DAPP1: variants seen among roughly 807,000 people sequenced by gnomAD.
DAPP1 encodes dual adapter for phosphotyrosine and 3-phosphotyrosine and 3-phosphoinositide.
Under a neutral mutation model 41.5 loss-of-function variants are expected in DAPP1, and 20 were observed. The observed-to-expected ratio is 0.48, with a 90% confidence interval of 0.34 to 0.70. DAPP1 has a LOEUF of 0.70. DAPP1 is among the 30% of genes least tolerant of loss of function. The pLI, the probability that DAPP1 is intolerant of heterozygous loss-of-function variation, is 0.01. For missense variants in DAPP1, 233 were observed against 333.4 expected (o/e 0.70, Z 2.35); for synonymous variants, 113 against 116.2 (o/e 0.97, Z 0.18).
chr4:99,870,348 C>T (rs945268977), downstream of DAPP1, among the ~76,000 whole-genome samples: 3 of 128,362 alleles, frequency 2.3e-5, no homozygotes, highest in African/African-American at 6.2e-5. Flanking sequence ...TATATATATG[C>T]GTGTATATAT....
chr4:99,866,701 C>G (rs1260949348), intron 8 of DAPP1: 9 of 651,904 alleles, frequency 1.4e-5, no homozygotes, highest in Non-Finnish European at 2.5e-5. Flanking sequence ...AAGAACTTGT[C>G]CTTAAAGCTG....
chr4:99,868,308 G>T lies in DAPP1; in HGVS notation c.*123G>T. On this transcript the variant is annotated 3_prime_UTR_variant, in exon 9 of 9. Transcript: ENST00000512369. The stretch of plus-strand genomic sequence containing the variant: ...ATTTTCTTTCAAAAACAAATCAGAA[G>T]CAGATGCTGATTGGGACCCATATAC... 4 of 885,754 alleles carry T rather than the reference G, an allele frequency of 4.5e-6. No homozygotes were observed. The highest frequency in any genetic ancestry group is 5.4e-6 in the Non-Finnish European group (3 of 557,406). The allele number at this position is 885,754 out of a possible 1,614,324, so 54.9% of individuals were successfully genotyped here.
chr4:99,839,919 A>G (rs1477450379), intron 2 of DAPP1, among the ~76,000 whole-genome samples: 7 of 152,206 alleles, frequency 4.6e-5, no homozygotes, highest in African/African-American at 1.7e-4. Flanking sequence ...AAAATTAGCC[A>G]GGCATCGTGG....
intron 7 of DAPP1, chr4:99,865,485 T>C (rs1724391845): frequency 6.6e-6 from 1 of 152,188 alleles, no homozygotes; most frequent in Non-Finnish European, 1.5e-5. Flanking sequence ...TTATTGTCTC[T>C]TTTTATTGTC....
chr4:99,856,465 C>T (rs1049277830), intron 4 of DAPP1, among the ~76,000 whole-genome samples: 2 of 151,998 alleles, frequency 1.3e-5, no homozygotes, highest in African/African-American at 2.4e-5. Flanking sequence ...GTCAGAATTA[C>T]GGGATGAAGT....
At position 99,857,524 on chromosome 4, in the gene DAPP1, C is replaced by T. The variant is rs185630977; in HGVS notation, c.490-4054C>T. Among the ~76,000 whole-genome samples, 180 of 152,180 alleles carry T rather than the reference C, an allele frequency of 1.2e-3. 1 individual carries two copies. The highest frequency in any genetic ancestry group is 2.1e-3 in the Non-Finnish European group (141 of 68,002). ...AATTCTGTTTCCTTAGCTTTGGCAACATCTTTCTGTCTTTATTCCGTAATC... is the reference window on the plus strand; with the variant it reads ...AATTCTGTTTCCTTAGCTTTGGCAATATCTTTCTGTCTTTATTCCGTAATC... On this transcript the variant is annotated intron_variant, in intron 4 of 8. Transcript: ENST00000512369.
intron 1 of DAPP1, among the ~76,000 whole-genome samples, chr4:99,822,971 C>G (rs1430888417): frequency 1.3e-5 from 2 of 152,138 alleles, no homozygotes; most frequent in African/African-American, 4.8e-5. Context: ...CCCACTAGCA[C>G]CTGCCCCCAT....
chr4:99,824,094 T>C (rs150927304), intron 1 of DAPP1, among the ~76,000 whole-genome samples: 6 of 152,354 alleles, frequency 3.9e-5, no homozygotes, highest in African/African-American at 1.4e-4. Flanking sequence ...ATTGCATGTT[T>C]GGGTTGATTC....
chr4:99,829,415 G>T (rs1723046113), intron 1 of DAPP1, among the ~76,000 whole-genome samples: 1 of 151,320 alleles, frequency 6.6e-6, no homozygotes, highest in Non-Finnish European at 1.5e-5. Context: ...GGGAGGTGGA[G>T]GTTGCAGTGA....
chr4:99,823,422 C>T (rs1722838637), intron 1 of DAPP1, among the ~76,000 whole-genome samples: 1 of 152,108 alleles, frequency 6.6e-6, no homozygotes, highest in Non-Finnish European at 1.5e-5. Flanking sequence ...CCTAAAATAA[C>T]ATTGTTCATC....
chr4:99,858,932 CTCTG>C (rs1371588085), intron 4 of DAPP1, among the ~76,000 whole-genome samples: 3 of 151,758 alleles, frequency 2.0e-5, no homozygotes, highest in African/African-American at 7.3e-5. Flanking sequence ...CACTCCGTCA[CTCTG>C]TCTCCCAAGC....
intron 3 of DAPP1, among the ~76,000 whole-genome samples, chr4:99,850,120 A>G (rs1210076678): frequency 1.3e-5 from 2 of 152,218 alleles, no homozygotes; most frequent in Non-Finnish European, 2.9e-5. Flanking sequence ...AATAGCAATA[A>G]AAAATTAGGC....
At chr4:99,819,116 G>A (rs1722685380) in intron 1 of DAPP1, among the ~76,000 whole-genome samples, 1 of 152,084 alleles carries the variant, frequency 6.6e-6, no homozygotes, top group African/African-American at 2.4e-5. Flanking sequence ...CTTTATTGAG[G>A]TTATTTTACA....
At chr4:99,861,513 T>C (rs1724234899) in intron 4 of DAPP1, 65 bp from the exon 5 acceptor site, 2 of 1,474,908 alleles carry the variant, frequency 1.4e-6, no homozygotes, top group Non-Finnish European at 1.9e-6. Flanking sequence ...AAATAGGACA[T>C]GAAAGGAAGG....
At chr4:99,826,860 G>T (rs1025950348) in intron 1 of DAPP1, among the ~76,000 whole-genome samples, 1 of 152,192 alleles carries the variant, frequency 6.6e-6, no homozygotes, top group Admixed American at 6.5e-5. Flanking sequence ...CCCACTGTGA[G>T]CTCCCCTTCC....
At chr4:99,858,602 A>G (rs1472287113) in intron 4 of DAPP1, among the ~76,000 whole-genome samples, 1 of 152,092 alleles carries the variant, frequency 6.6e-6, no homozygotes, top group Non-Finnish European at 1.5e-5. Context: ...TACTTATTAA[A>G]TTTTTACTTG....
At chr4:99,840,138 A>G (rs1723447170) in intron 2 of DAPP1, 151 bp from the exon 3 acceptor site, 1 of 470,824 alleles carries the variant, frequency 2.1e-6, no homozygotes, top group Admixed American at 4.2e-5. Flanking sequence ...GAAACTAGTG[A>G]TGCTATTTAA....
Position 99,869,544 on chromosome 4 carries a change from A to G in DAPP1, c.*1359A>G, listed in dbSNP as rs569943763. On this transcript the variant is annotated 3_prime_UTR_variant, in exon 9 of 9. Coordinates refer to ENST00000512369, the MANE Select transcript of DAPP1 (RefSeq NM_014395.3). ...CAAAAATTACATTAAATTTTTGTATATTTCAACAACATTTTAAATGTATTT... is the reference window on the plus strand; with the variant it reads ...CAAAAATTACATTAAATTTTTGTATGTTTCAACAACATTTTAAATGTATTT... 1 of 152,334 alleles carries G rather than the reference A, an allele frequency of 6.6e-6. No individual in the cohort carries two copies. Among genetic ancestry groups the G allele is most frequent in the South Asian group, 2.1e-4 (1 of 4,828 alleles). 9.4% of individuals were successfully genotyped at this position (152,334 alleles called of 1,614,324 possible). A position where few individuals can be genotyped will look rare whatever the true frequency, so the allele number is the denominator to read the frequency against.
At chr4:99,865,188 T>C (rs1226335988) in intron 7 of DAPP1, 1 of 152,200 alleles carries the variant, frequency 6.6e-6, no homozygotes. Flanking sequence ...ATCAACAAAA[T>C]ACACTGCTTA....
Sources: gnomAD v4.1 joint callset for allele counts (sites outside exome capture counted in the v4.1 genomes callset) on GRCh38, gnomAD v4.1.1 for gene constraint, MANE v1.5 for transcripts, NCBI Gene and HGNC (gene_info 2026-07-23, HGNC 2026-07-21) for gene names.